The following NTRK2 variants were observed in gnomAD, a reference collection of about 807,000 sequenced individuals.
NTRK2 encodes BDNF/NT-3 growth factors receptor.
Under a neutral mutation model 94.5 loss-of-function variants are expected in NTRK2, and 13 were observed. The ratio of observed to expected loss-of-function variants is 0.14; its 90% confidence interval spans 0.09 to 0.22. The LOEUF is 0.22. NTRK2 is among the 10% of genes least tolerant of loss of function. The pLI is 1.00. For missense variants in NTRK2, 639 were observed against 1,071.2 expected (o/e 0.60, Z 5.63); for synonymous variants, 372 against 407.4 (o/e 0.91, Z 1.05).
At chr9:84,743,096 C>T (rs868583405) in intron 10 of NTRK2, among the ~76,000 whole-genome samples, 1 of 152,072 alleles carries the variant, frequency 6.6e-6, no homozygotes, top group Non-Finnish European at 1.5e-5. Context: ...CCACCATGCC[C>T]GGCCTATATT....
intron 17 of NTRK2, among the ~76,000 whole-genome samples, chr9:84,995,362 G>A (rs1479209089): frequency 2.0e-5 from 3 of 152,060 alleles, no homozygotes; most frequent in East Asian, 3.8e-4. Context: ...CCCTTGGTGG[G>A]GTTTTTTTGG....
intron 17 of NTRK2, among the ~76,000 whole-genome samples, chr9:84,966,285 T>C (rs1825549424): frequency 6.6e-6 from 1 of 152,040 alleles, no homozygotes; most frequent in African/African-American, 2.4e-5. Context: ...TACCCCAGAG[T>C]GTCTTTTGCG....
chr9:84,811,625 G>GT, intron 12 of NTRK2: 1 of 1,065,302 alleles, frequency 9.4e-7, no homozygotes, highest in Non-Finnish European at 1.1e-6. Context: ...AAGAAGGATA[G>GT]TCCCCCCTAC....
chr9:84,837,989 G>T (rs1455306671), intron 12 of NTRK2, among the ~76,000 whole-genome samples: 9 of 152,028 alleles, frequency 5.9e-5, no homozygotes, highest in African/African-American at 1.9e-4. Context: ...GGTTATAAAA[G>T]GTTTGCTTAT....
At position 84,738,171 on chromosome 9, in the gene NTRK2, C is replaced by A. The variant is rs192121602; in HGVS notation, c.1160-3721C>A. On this transcript the variant is annotated intron_variant, in intron 9 of 18. Coordinates refer to ENST00000277120, the MANE Select transcript of NTRK2 (RefSeq NM_006180.6). ...AAGGCTTGACGCTACTTCTTGCTAC[C>A]TAAATCTGAGATTTCTGATTTGATG... 4.5e-3 allele frequency among the ~76,000 whole-genome samples: 676 copies of A among 151,590 alleles called. 7 individuals carry two copies. The highest frequency in any genetic ancestry group is 7.7e-3 in the Admixed American group (118 of 15,280).
chr9:84,867,359 A>T lies in NTRK2; in HGVS notation c.1561A>T (p.Met521Leu). The T allele has an allele frequency of 1.9e-6, 3 of 1,614,112 alleles. No homozygotes were observed. Among genetic ancestry groups the T allele is most frequent in the Non-Finnish European group, 2.5e-6 (3 of 1,179,966 alleles). Residue 521 changes from methionine to leucine, a missense_variant, in exon 14 of 19, where the codon ATG becomes TTG. Physicochemically the swap from Met to Leu is conservative, Grantham distance 15 (BLOSUM62 2). Coordinates refer to ENST00000277120, the MANE Select transcript of NTRK2 (RefSeq NM_006180.6). ...TGGCCCAGATGCTGTCATTATTGGAATGACCAAGATCCCTGTCATTGAAAA... is the reference window on the plus strand; with the variant it reads ...TGGCCCAGATGCTGTCATTATTGGATTGACCAAGATCCCTGTCATTGAAAA... ...EGGPDAVIIG[M>L]TKIPVIENPQ... is the part of the protein sequence containing the mutation.
rs536089878 is a variant in NTRK2 at position 84,684,403 on chromosome 9, T to C, written c.212+13443T>C. 2.0e-5 allele frequency among the ~76,000 whole-genome samples: 3 copies of C among 152,386 alleles called. No individual in the cohort carries two copies. The East Asian group carries it at 5.8e-4, about 29-fold the overall frequency. Reference sequence around the variant, plus strand: ...TAAGGAAGGAGTCCAGTTTCAATTTTCTGCATATGGCTAGCCAGTTTTCCC... The same window carrying C: ...TAAGGAAGGAGTCCAGTTTCAATTTCCTGCATATGGCTAGCCAGTTTTCCC... On this transcript the variant is annotated intron_variant, in intron 2 of 18. Transcript: ENST00000277120.
chr9:85,020,095 AT>A, intron 17 of NTRK2, 110 bp from the exon 18 acceptor site: 1 of 1,156,472 alleles, frequency 8.6e-7, no homozygotes. Flanking sequence ...TTTATAAACA[AT>A]TAAAACTATA....
chr9:84,735,029 T>A (rs1351038306), intron 9 of NTRK2, among the ~76,000 whole-genome samples: 1 of 152,076 alleles, frequency 6.6e-6, no homozygotes, highest in Non-Finnish European at 1.5e-5. Flanking sequence ...TCTTCTTTTT[T>A]GTAGCTATGG....
At chr9:84,763,791 A>T in intron 12 of NTRK2, among the ~76,000 whole-genome samples, 1 of 152,090 alleles carries the variant, frequency 6.6e-6, no homozygotes, top group African/African-American at 2.4e-5. Flanking sequence ...ATAGTTACTT[A>T]TATATCAAAC....
chr9:84,798,912 CTATATATATA>C (rs57167822), intron 12 of NTRK2, among the ~76,000 whole-genome samples: 16 of 128,046 alleles, frequency 1.2e-4, no homozygotes, highest in South Asian at 1.2e-3. Context: ...CTTCTAAGTG[CTATATATATA>C]TATATATATA....
chr9:84,786,453 A>G (rs975580045), intron 12 of NTRK2, among the ~76,000 whole-genome samples: 35 of 152,028 alleles, frequency 2.3e-4, no homozygotes, highest in Non-Finnish European at 1.5e-5. Context: ...CAAGATTATT[A>G]TTTATTTTAA....
rs187712472 is a variant in NTRK2, at chr9:84,711,546, C to T, written c.583+755C>T. On this transcript the variant is annotated intron_variant, in intron 6 of 18. Coordinates refer to ENST00000277120, the MANE Select transcript of NTRK2 (RefSeq NM_006180.6). ...GTTACTACCCCATTGACATTTGAAT[C>T]GGTTAGTCAACCAGTTAACAAGTTC... 3.5e-3 allele frequency among the ~76,000 whole-genome samples: 533 copies of T among 152,284 alleles called. 3 individuals are homozygous for T. The highest frequency in any genetic ancestry group is 0.012 in the African/African-American group (506 of 41,546).
At chr9:84,679,130 A>G (rs948258334) in intron 2 of NTRK2, among the ~76,000 whole-genome samples, 3 of 152,166 alleles carry the variant, frequency 2.0e-5, no homozygotes, top group African/African-American at 7.2e-5. Flanking sequence ...TTGATCTTAG[A>G]CTTCTCAGCC....
chr9:84,862,420 A>T (rs904565497), intron 13 of NTRK2, among the ~76,000 whole-genome samples: 2 of 152,170 alleles, frequency 1.3e-5, no homozygotes, highest in African/African-American at 4.8e-5. Context: ...TGCTTCTGCT[A>T]AATAGCAAGT....
At chr9:84,859,699 TA>T (rs2075240318) in intron 12 of NTRK2, among the ~76,000 whole-genome samples, 1 of 152,228 alleles carries the variant, frequency 6.6e-6, no homozygotes, top group South Asian at 2.1e-4. Context: ...TAAAAGTGTT[TA>T]AATCAAACAA....
chr9:84,988,454 A>T (rs1480807060), intron 17 of NTRK2, among the ~76,000 whole-genome samples: 1 of 152,182 alleles, frequency 6.6e-6, no homozygotes, highest in African/African-American at 2.4e-5. Context: ...AAACACACAC[A>T]CACTCACACT....
chr9:84,821,182 C>T (rs1223123607), intron 12 of NTRK2, among the ~76,000 whole-genome samples: 3 of 151,962 alleles, frequency 2.0e-5, no homozygotes, highest in Non-Finnish European at 4.4e-5. Context: ...TTACTCAAGA[C>T]AAACACCATA....
rs192288760 is a variant in NTRK2 at position 84,976,710 on chromosome 9, G to A, written c.2172+21193G>A. On this transcript the variant is annotated intron_variant, in intron 17 of 18. Transcript: ENST00000277120. ...CAGCTTGCTCTGTTTGACAGAGGTA[G>A]CAAGGCCCTGATCCCACAAAAAAAA... Among the ~76,000 whole-genome samples the A allele has an allele frequency of 4.1e-3, 620 of 152,046 alleles. 4 individuals carry two copies. The highest frequency in any genetic ancestry group is 0.014 in the African/African-American group (583 of 41,412).
Sources: gnomAD v4.1 joint callset for allele counts (sites outside exome capture counted in the v4.1 genomes callset) on GRCh38, gnomAD v4.1.1 for gene constraint, MANE v1.5 for transcripts, NCBI Gene and HGNC (gene_info 2026-07-23, HGNC 2026-07-21) for gene names.